CORO2B: variants seen among roughly 807,000 people sequenced by gnomAD.
CORO2B encodes coronin-2B.
A neutral mutation model predicts 58.8 loss-of-function variants in CORO2B; 26 were observed. The observed-to-expected ratio is 0.44, with a 90% CI of 0.32 to 0.61. The LOEUF (loss-of-function observed/expected upper bound fraction) is 0.61, where lower values mean the gene tolerates loss of function less well. CORO2B is among the 20% of genes least tolerant of loss of function. The pLI, the probability that CORO2B is intolerant of heterozygous loss-of-function variation, is 0.04. For missense variants in CORO2B, 460 were observed against 645.1 expected (o/e 0.71, Z 3.11); for synonymous variants, 242 against 253.8 (o/e 0.95, Z 0.44).
chr15:68,586,908 A>G (rs2140561669), intron 1 of CORO2B, among the ~76,000 whole-genome samples: 1 of 152,286 alleles, frequency 6.6e-6, no homozygotes, highest in Middle Eastern at 3.4e-3. Context: ...TTATTTTTCC[A>G]AAAGGAAACT....
chr15:68,686,020 G>GTTTTTTTTTTTTTTTTTTTT (rs56168498), intron 2 of CORO2B, among the ~76,000 whole-genome samples: 4 of 103,332 alleles, frequency 3.9e-5, no homozygotes, highest in Non-Finnish European at 4.0e-5. Context: ...TCCTACTTCT[G>GTTTTTTTTTTTTTTTTTTTT]TTTTTTTTTT....
At chr15:68,705,436 C>CAAA (rs35973911) in intron 3 of CORO2B, among the ~76,000 whole-genome samples, 22 of 112,786 alleles carry the variant, frequency 2.0e-4, no homozygotes, top group African/African-American at 5.7e-4. Flanking sequence ...AACTCTATCT[C>CAAA]AAAAAAAAAA....
the CORO2B span, among the ~76,000 whole-genome samples, chr15:68,536,723 A>G: frequency 6.6e-6 from 1 of 152,264 alleles, no homozygotes; most frequent in African/African-American, 2.4e-5. Flanking sequence ...AAAAACTGAA[A>G]TAAAAAGTCA....
intron 2 of CORO2B, among the ~76,000 whole-genome samples, chr15:68,691,723 C>A (rs1237379616): frequency 6.6e-6 from 1 of 151,900 alleles, no homozygotes; most frequent in South Asian, 2.1e-4. Flanking sequence ...GTCTCCTTCC[C>A]GAGTGCAGGG....
the CORO2B span, among the ~76,000 whole-genome samples, chr15:68,518,379 C>T: frequency 1.3e-5 from 2 of 152,134 alleles, no homozygotes; most frequent in African/African-American, 4.8e-5. Flanking sequence ...CGATGAGGAC[C>T]GAGCTCTTCC....
the CORO2B span, among the ~76,000 whole-genome samples, chr15:68,548,042 A>C: frequency 2.0e-5 from 3 of 152,030 alleles, no homozygotes; most frequent in East Asian, 5.8e-4. Context: ...ATGGTGGTGC[A>C]TGCCTGTAAT....
intron 1 of CORO2B, among the ~76,000 whole-genome samples, chr15:68,643,645 T>A (rs913962440): frequency 2.0e-5 from 3 of 152,194 alleles, no homozygotes; most frequent in African/African-American, 7.2e-5. Context: ...GAGAATTTGC[T>A]TGAAGGTGAG....
intron 1 of CORO2B, among the ~76,000 whole-genome samples, chr15:68,618,806 G>C (rs908847892): frequency 2.6e-5 from 4 of 152,192 alleles, no homozygotes; most frequent in African/African-American, 4.8e-5. Flanking sequence ...TAAATATGAG[G>C]TTCCTAGACA....
rs1893328143 is a variant in CORO2B, at chr15:68,727,325, T to C, written c.*1351T>C. On this transcript the variant is annotated 3_prime_UTR_variant, in exon 12 of 12. Coordinates refer to ENST00000261861, the MANE Select transcript of CORO2B (RefSeq NM_006091.5). ...TCACGCAACTCTGAGATGCCACATT[T>C]CATTTGATCTTGTACACATTTTCTT... 6.6e-6 allele frequency: 1 copy of C among 152,630 alleles called. No individual in the cohort carries two copies. The highest frequency in any genetic ancestry group is 1.5e-5 in the Non-Finnish European group (1 of 68,048). 9.5% of individuals were successfully genotyped at this position (152,630 alleles called of 1,614,324 possible).
At chr15:68,586,985 T>C (rs971569403) in intron 1 of CORO2B, among the ~76,000 whole-genome samples, 6 of 152,052 alleles carry the variant, frequency 3.9e-5, no homozygotes, top group Non-Finnish European at 8.8e-5. Context: ...TTTTGTTCTT[T>C]AAATCTTTCT....
intron 2 of CORO2B, among the ~76,000 whole-genome samples, chr15:68,690,476 C>T (rs1267661744): frequency 6.6e-6 from 1 of 152,082 alleles, no homozygotes; most frequent in Non-Finnish European, 1.5e-5. Flanking sequence ...AGCTTTTTTC[C>T]AGCTCTGTCT....
chr15:68,519,404 T>A, the CORO2B span, among the ~76,000 whole-genome samples: 1 of 152,218 alleles, frequency 6.6e-6, no homozygotes, highest in Non-Finnish European at 1.5e-5. Flanking sequence ...TTATCATAGG[T>A]AATTCTATAC....
chr15:68,593,911 A>G (rs959465063), intron 1 of CORO2B, among the ~76,000 whole-genome samples: 3 of 152,078 alleles, frequency 2.0e-5, no homozygotes, highest in Non-Finnish European at 2.9e-5. Context: ...AGAAAAGGCA[A>G]AAGGACAAAT....
intron 2 of CORO2B, among the ~76,000 whole-genome samples, chr15:68,693,889 G>T (rs143964185): frequency 0.025 from 3,785 of 152,306 alleles, 55 homozygotes; most frequent in Non-Finnish European, 0.039. Context: ...AGTCTGGAGT[G>T]CAGCGGCACA....
the CORO2B span, among the ~76,000 whole-genome samples, chr15:68,523,547 C>G: frequency 6.6e-6 from 1 of 152,172 alleles, no homozygotes; most frequent in East Asian, 1.9e-4. Context: ...TCCCAACTAC[C>G]TTTTGTTTAG....
At chr15:68,523,422 C>T in the CORO2B span, among the ~76,000 whole-genome samples, 1 of 152,082 alleles carries the variant, frequency 6.6e-6, no homozygotes, top group Non-Finnish European at 1.5e-5. Context: ...GTCTTGAACT[C>T]CTGGGCTTAA....
the CORO2B span, among the ~76,000 whole-genome samples, chr15:68,568,019 AAAAAGAAAAG>A: frequency 3.9e-5 from 6 of 152,272 alleles, no homozygotes; most frequent in African/African-American, 9.6e-5. Flanking sequence ...AGTCCATCTC[AAAAAGAAAAG>A]AAAAGAAAAG....
chr15:68,641,500 G>T, intron 1 of CORO2B: 1 of 983,370 alleles, frequency 1.0e-6, no homozygotes, highest in Middle Eastern at 5.2e-4. Flanking sequence ...AAAGGAGAAG[G>T]GGGAGGGTGG....
chr15:68,711,686 C>T lies in CORO2B; in HGVS notation c.628C>T (p.Arg210Cys). The change falls in exon 5 of 12, where the codon CGC becomes TGC. Residue 210 changes from arginine (R) to cysteine (C), a missense_variant. Physicochemically the swap from Arg to Cys is radical, Grantham distance 180 (BLOSUM62 -3). Coordinates refer to ENST00000261861, the MANE Select transcript of CORO2B (RefSeq NM_006091.5). ...KDKKLRVIEP[R>C]SGRVLQEANC... ...CAAGAAGCTGCGTGTGATTGAGCCC[C>T]GCTCTGGCCGTGTTCTGCAGGTGGA... The T allele has an allele frequency of 2.5e-6, 4 of 1,614,070 alleles. No homozygotes were observed. Among genetic ancestry groups the T allele is most frequent in the Non-Finnish European group, 3.4e-6 (4 of 1,179,966 alleles).
Sources: gnomAD v4.1 joint callset for allele counts (sites outside exome capture counted in the v4.1 genomes callset) on GRCh38, gnomAD v4.1.1 for gene constraint, MANE v1.5 for transcripts, NCBI Gene and HGNC (gene_info 2026-07-23, HGNC 2026-07-21) for gene names.